The following MTUS2 variants were observed in gnomAD, a reference collection of about 807,000 sequenced individuals.
MTUS2 encodes microtubule associated scaffold protein 2.
A neutral mutation model predicts 114.1 loss-of-function variants in MTUS2; 40 were observed. The ratio of observed to expected loss-of-function variants is 0.35; its 90% CI spans 0.27 to 0.46. MTUS2 has a LOEUF of 0.46. MTUS2 is among the 20% of genes least tolerant of loss of function. MTUS2 has a pLI of 1.00. For synonymous variants in MTUS2, 688 were observed against 672.0 expected, an observed-to-expected ratio of 1.02 and a Z score of -0.37; for missense variants, 1,679 against 1,705.4, an observed-to-expected ratio of 0.98 and a Z score of 0.27.
At chr13:28,971,309 A>C (rs1478355342) in intron 2 of MTUS2, among the ~76,000 whole-genome samples, 1 of 152,224 alleles carries the variant, frequency 6.6e-6, no homozygotes, top group Non-Finnish European at 1.5e-5. Context: ...GGCCACTGAA[A>C]CACAGCAAAA....
chr13:29,451,499 C>A (rs922221821), intron 9 of MTUS2, among the ~76,000 whole-genome samples: 24 of 152,080 alleles, frequency 1.6e-4, no homozygotes, highest in African/African-American at 5.3e-4. Flanking sequence ...GAAATATATA[C>A]CAAGCTCTTT....
intron 8 of MTUS2, among the ~76,000 whole-genome samples, chr13:29,435,994 C>T (rs567206464): frequency 2.0e-4 from 30 of 152,272 alleles, no homozygotes; most frequent in Non-Finnish European, 2.8e-4. Context: ...TGGGTCCAGA[C>T]GCTGGAAACA....
chr13:29,120,581 G>GA (rs1891267292), intron 5 of MTUS2, among the ~76,000 whole-genome samples: 1 of 151,918 alleles, frequency 6.6e-6, no homozygotes, highest in South Asian at 2.1e-4. Context: ...AGTAAGAAAA[G>GA]AAAAAAGAAT....
chr13:29,325,466 A>AAAAAG (rs530500725), intron 7 of MTUS2, among the ~76,000 whole-genome samples: 78,891 of 126,178 alleles, frequency 0.63, 25,214 homozygotes, highest in East Asian at 0.77. Context: ...AAAAAAAAAA[A>AAAAAG]AAAAGAAAAG....
At chr13:29,392,752 A>G (rs1167253822) in intron 8 of MTUS2, among the ~76,000 whole-genome samples, 2 of 151,926 alleles carry the variant, frequency 1.3e-5, no homozygotes, top group African/African-American at 4.9e-5. Flanking sequence ...TCAAGGAGGG[A>G]AAAATGTCCA....
intron 5 of MTUS2, chr13:29,239,525 C>T (rs1429736927): frequency 2.6e-5 from 4 of 152,112 alleles, no homozygotes; most frequent in Non-Finnish European, 5.9e-5. Flanking sequence ...CAATTAAATT[C>T]AGCAAATACT....
chr13:29,402,460 C>T (rs768822047), intron 8 of MTUS2, among the ~76,000 whole-genome samples: 49 of 152,170 alleles, frequency 3.2e-4, no homozygotes, highest in Non-Finnish European at 5.9e-4. Flanking sequence ...GCATAAAACA[C>T]GAGAGATAAA....
At chr13:29,065,950 G>T (rs1001304999) in intron 4 of MTUS2, among the ~76,000 whole-genome samples, 1 of 151,972 alleles carries the variant, frequency 6.6e-6, no homozygotes, top group Admixed American at 6.6e-5. Flanking sequence ...CCTGGGTCAG[G>T]TTTCCTCCCG....
intron 5 of MTUS2, among the ~76,000 whole-genome samples, chr13:29,279,626 G>T (rs1593255160): frequency 1.3e-5 from 2 of 152,076 alleles, no homozygotes; most frequent in East Asian, 3.8e-4. Context: ...ACTGTTTATT[G>T]CCAGCTGTCT....
intron 5 of MTUS2, among the ~76,000 whole-genome samples, chr13:29,117,834 G>A (rs144113100): frequency 5.5e-4 from 84 of 152,264 alleles, no homozygotes; most frequent in South Asian, 4.8e-3. Context: ...CCTGTCAGCC[G>A]TGAGGTGTGC....
At chr13:28,832,762 A>C (rs537181509) in intron 1 of MTUS2, among the ~76,000 whole-genome samples, 103 of 45,268 alleles carry the variant, frequency 2.3e-3, no homozygotes, top group African/African-American at 8.5e-3. Context: ...GAAATAGAGA[A>C]TAGAAAAACA....
At chr13:28,912,553 G>GGGAA (rs1280368032) in intron 2 of MTUS2, among the ~76,000 whole-genome samples, 2 of 152,080 alleles carry the variant, frequency 1.3e-5, no homozygotes, top group Non-Finnish European at 2.9e-5. Flanking sequence ...TGTGAAGAAT[G>GGGAA]TCAATGGTAG....
At chr13:29,285,353 A>T (rs984810781) in intron 6 of MTUS2, among the ~76,000 whole-genome samples, 6 of 152,190 alleles carry the variant, frequency 3.9e-5, no homozygotes, top group Admixed American at 1.3e-4. Context: ...GTGAGGGGGA[A>T]GTTTCTCTTT....
intron 8 of MTUS2, among the ~76,000 whole-genome samples, chr13:29,418,665 C>T (rs572664388): frequency 1.2e-4 from 18 of 152,290 alleles, no homozygotes; most frequent in African/African-American, 3.8e-4. Context: ...CAGATACCCC[C>T]GCTGCATTTA....
chr13:29,074,146 C>A (rs1593448052), intron 4 of MTUS2, among the ~76,000 whole-genome samples: 1 of 152,180 alleles, frequency 6.6e-6, no homozygotes, highest in Admixed American at 6.5e-5. Context: ...GTTGGCTCCA[C>A]ATTGCTGTCA....
intron 2 of MTUS2, among the ~76,000 whole-genome samples, chr13:28,845,617 T>C (rs984809317): frequency 6.6e-6 from 1 of 152,012 alleles, no homozygotes; most frequent in Non-Finnish European, 1.5e-5. Context: ...AAGGACTGGC[T>C]TCGTGGTAGA....
At chr13:28,888,700 G>T (rs964313551) in intron 2 of MTUS2, among the ~76,000 whole-genome samples, 1 of 152,096 alleles carries the variant, frequency 6.6e-6, no homozygotes, top group African/African-American at 2.4e-5. Context: ...GGGATTACAG[G>T]CATGAGACAC....
At chr13:28,940,645 TTA>T (rs1491420166) in intron 2 of MTUS2, among the ~76,000 whole-genome samples, 3 of 112,882 alleles carry the variant, frequency 2.7e-5, no homozygotes, top group African/African-American at 4.9e-5. Flanking sequence ...TATTCGAATA[TTA>T]AAAAAAACAG....
intron 1 of MTUS2, among the ~76,000 whole-genome samples, chr13:28,828,082 C>T (rs984581143): frequency 3.9e-5 from 6 of 152,118 alleles, no homozygotes; most frequent in Admixed American, 2.0e-4. Context: ...TATCCACAAC[C>T]GTAAAAGACA....
Sources: allele counts gnomAD v4.1 joint callset (sites outside exome capture counted in the v4.1 genomes callset), GRCh38; gene constraint gnomAD v4.1.1; transcripts MANE v1.5; gene names NCBI Gene and HGNC (gene_info 2026-07-23, HGNC 2026-07-21).